Variants in KCND2 observed in about 807,000 individuals in gnomAD.
KCND2 encodes the protein potassium voltage-gated channel subfamily D member 2, also known as A-type voltage-gated potassium channel KCND2.
In KCND2, 16 loss-of-function variants were observed where a neutral mutation model predicts 54.4. The observed-to-expected ratio is 0.29, with a 90% CI of 0.20 to 0.45. KCND2 has a LOEUF of 0.45. KCND2 is among the 20% of genes least tolerant of loss of function. KCND2 has a pLI of 1.00. For synonymous variants in KCND2, 317 were observed against 310.7 expected, an observed-to-expected ratio of 1.02 and a Z score of -0.21; for missense variants, 486 against 824.2, an observed-to-expected ratio of 0.59 and a Z score of 5.02.
chr7:120,670,989 A>G (rs1279721132), intron 1 of KCND2, among the ~76,000 whole-genome samples: 1 of 149,830 alleles, frequency 6.7e-6, no homozygotes, highest in Non-Finnish European at 1.5e-5. Context: ...AAAGATTGCT[A>G]GTCCTTAATC....
At chr7:120,736,514 T>G (rs1223847039) in intron 2 of KCND2, among the ~76,000 whole-genome samples, 2 of 152,024 alleles carry the variant, frequency 1.3e-5, no homozygotes, top group Non-Finnish European at 2.9e-5. Context: ...CAATGACAAG[T>G]GGCAGGTTGA....
intron 1 of KCND2, among the ~76,000 whole-genome samples, chr7:120,279,685 C>G (rs1467528793): frequency 1.3e-5 from 2 of 151,886 alleles, no homozygotes; most frequent in East Asian, 3.9e-4. Flanking sequence ...TGGTGAATTA[C>G]TATTTTAAGG....
intron 1 of KCND2, among the ~76,000 whole-genome samples, chr7:120,472,787 G>C (rs1802478094): frequency 6.6e-6 from 1 of 152,148 alleles, no homozygotes; most frequent in Non-Finnish European, 1.5e-5. Context: ...GGCAATAATT[G>C]TAAGTTTGTG....
chr7:120,355,247 G>C (rs1800484033), intron 1 of KCND2, among the ~76,000 whole-genome samples: 1 of 152,248 alleles, frequency 6.6e-6, no homozygotes. Context: ...TTTCAGTAGA[G>C]TATTCAATAA....
chr7:120,447,012 A>G (rs1802027082), intron 1 of KCND2, among the ~76,000 whole-genome samples: 1 of 152,200 alleles, frequency 6.6e-6, no homozygotes, highest in Non-Finnish European at 1.5e-5. Flanking sequence ...TTTTATAATA[A>G]AGATAGCTGA....
intron 1 of KCND2, among the ~76,000 whole-genome samples, chr7:120,375,405 G>T (rs1800822628): frequency 6.6e-6 from 1 of 151,750 alleles, no homozygotes; most frequent in Non-Finnish European, 1.5e-5. Flanking sequence ...AATACCAGGT[G>T]GCATAATGCT....
At chr7:120,698,742 C>T (rs1792362883) in intron 1 of KCND2, among the ~76,000 whole-genome samples, 1 of 152,170 alleles carries the variant, frequency 6.6e-6, no homozygotes. Flanking sequence ...TTCCAGATCA[C>T]AGTTACCCCA....
chr7:120,719,026 C>G (rs1158204007), intron 1 of KCND2, among the ~76,000 whole-genome samples: 1 of 151,998 alleles, frequency 6.6e-6, no homozygotes, highest in Non-Finnish European at 1.5e-5. Flanking sequence ...AATTTGTGAT[C>G]AGCATCAAAG....
At chr7:120,683,721 C>T (rs773240087) in intron 1 of KCND2, among the ~76,000 whole-genome samples, 4 of 151,516 alleles carry the variant, frequency 2.6e-5, no homozygotes, top group East Asian at 3.9e-4. Context: ...ATAGTTACAA[C>T]AAAAGTAAGT....
intron 1 of KCND2, among the ~76,000 whole-genome samples, chr7:120,425,050 C>T (rs1231159185): frequency 2.6e-5 from 4 of 152,208 alleles, no homozygotes; most frequent in Non-Finnish European, 4.4e-5. Context: ...AATCATTTCT[C>T]TCTTCCTGTT....
intron 1 of KCND2, among the ~76,000 whole-genome samples, chr7:120,342,553 C>T (rs1800255448): frequency 6.6e-6 from 1 of 152,060 alleles, no homozygotes; most frequent in Admixed American, 6.6e-5. Context: ...CAATTTCTGG[C>T]TTTGTATTGT....
At chr7:120,448,253 C>A (rs1802048207) in intron 1 of KCND2, among the ~76,000 whole-genome samples, 1 of 145,486 alleles carries the variant, frequency 6.9e-6, no homozygotes, top group South Asian at 2.4e-4. Flanking sequence ...TTGTTCAATT[C>A]CCACCCATTA....
At chr7:120,523,700 CACTCTGTG>C (rs1470504577) in intron 1 of KCND2, among the ~76,000 whole-genome samples, 1 of 114,320 alleles carries the variant, frequency 8.7e-6, no homozygotes, top group East Asian at 3.5e-4. Flanking sequence ...CACACACACA[CACTCTGTG>C]TGTGTGTGTG....
chr7:120,373,820 C>A (rs1000000702), intron 1 of KCND2, among the ~76,000 whole-genome samples: 2 of 151,868 alleles, frequency 1.3e-5, no homozygotes, highest in Middle Eastern at 3.4e-3. Flanking sequence ...TTTTCCTACT[C>A]ACTATTGAAG....
intron 1 of KCND2, among the ~76,000 whole-genome samples, chr7:120,580,860 A>G (rs1192056290): frequency 6.6e-6 from 1 of 152,148 alleles, no homozygotes; most frequent in Non-Finnish European, 1.5e-5. Context: ...TGAGTTTCCC[A>G]TCCCTAAAAG....
chr7:120,315,701 T>C (rs1799801679), intron 1 of KCND2, among the ~76,000 whole-genome samples: 1 of 151,662 alleles, frequency 6.6e-6, no homozygotes. Context: ...TCATAAATCA[T>C]TGTTGTCAAT....
At chr7:120,291,224 T>G (rs1297516615) in intron 1 of KCND2, among the ~76,000 whole-genome samples, 3 of 151,940 alleles carry the variant, frequency 2.0e-5, no homozygotes, top group Non-Finnish European at 4.4e-5. Context: ...ATTTGATTCA[T>G]TTATGAAGAT....
chr7:120,606,526 T>C (rs1361883372), intron 1 of KCND2, among the ~76,000 whole-genome samples: 1 of 152,036 alleles, frequency 6.6e-6, no homozygotes, highest in Non-Finnish European at 1.5e-5. Context: ...CATTTAGGTA[T>C]TTGATCTATA....
In KCND2 at chr7:120,400,253, C is replaced by A. The variant is rs117206913; in HGVS notation, c.1115+124506C>A. On this transcript the variant is annotated intron_variant, in intron 1 of 5. Transcript: ENST00000331113. ...TATGCCATATTTAAATATCTGAATG[C>A]AAAAGGGTTCTACAATAAGGAGGAG... Among the ~76,000 whole-genome samples, 330 of 152,184 alleles carry A rather than the reference C, an allele frequency of 2.2e-3. 7 individuals are homozygous for A. In the East Asian group the frequency reaches 0.041, roughly 19 times the overall value.
Sources: allele counts gnomAD v4.1 joint callset (sites outside exome capture counted in the v4.1 genomes callset), GRCh38; gene constraint gnomAD v4.1.1; transcripts MANE v1.5; gene names NCBI Gene and HGNC (gene_info 2026-07-23, HGNC 2026-07-21).